Variants in CORO7 observed in about 807,000 individuals in gnomAD.
CORO7 encodes coronin 7, also known as coronin-7.
Under a neutral mutation model 126.6 loss-of-function variants are expected in CORO7, and 107 were observed. The observed-to-expected ratio is 0.85, with a 90% confidence interval of 0.72 to 0.99. The LOEUF is 0.99. CORO7 is among the 50% of genes least tolerant of loss of function. The pLI, the probability that CORO7 is intolerant of heterozygous loss-of-function variation, is 0.00. For synonymous variants in CORO7, 603 were observed against 536.8 expected, an observed-to-expected ratio of 1.12 and a Z score of -1.70; for missense variants, 1,314 against 1,255.8, an observed-to-expected ratio of 1.05 and a Z score of -0.70.
chr16:4,364,458 G>T (rs766439293), intron 13 of CORO7, 45 bp from the exon 14 acceptor site: 1 of 1,478,766 alleles, frequency 6.8e-7, no homozygotes, highest in African/African-American at 1.4e-5. Flanking sequence ...TGGGCTGCCC[G>T]GTCAGGAGGG....
chr16:4,410,679 C>T (rs1214556177), intron 3 of CORO7, among the ~76,000 whole-genome samples: 1 of 152,146 alleles, frequency 6.6e-6, no homozygotes, highest in Non-Finnish European at 1.5e-5. Flanking sequence ...GTGTATTGTG[C>T]GATTCCATTT....
chr16:4,412,732 A>G (rs2056260294), intron 2 of CORO7: 1 of 399,404 alleles, frequency 2.5e-6, no homozygotes, highest in African/African-American at 2.0e-5. Context: ...ACCGTCAGCC[A>G]CTTTTCGCAC....
rs192927891 is a variant in CORO7 at position 4,362,950 on chromosome 16, C to T, written c.1276-212G>A. 6.5e-6 allele frequency: 3 copies of T among 458,062 alleles called. No homozygotes were observed. The highest frequency in any genetic ancestry group is 4.4e-5 in the Admixed American group (1 of 22,784). 28.4% of individuals were successfully genotyped at this position (458,062 alleles called of 1,614,324 possible). On this transcript the variant is annotated intron_variant, in intron 14 of 27. Coordinates refer to ENST00000251166, the MANE Select transcript of CORO7 (RefSeq NM_024535.5). The surrounding 1 kb of genome is among the most constrained non-coding windows in gnomAD (Gnocchi z 5.3). ...TTCAGACCGCGGGGACAGCAAGTGG[C>T]AGCTGCTGGCTCCCAGCCCTGCAGG...
intron 6 of CORO7, among the ~76,000 whole-genome samples, chr16:4,395,687 C>T (rs538580825): frequency 3.9e-5 from 6 of 152,344 alleles, no homozygotes; most frequent in African/African-American, 1.2e-4. Context: ...ACCATGATCC[C>T]TCACAGACAG....
At chr16:4,389,560 G>A (rs542554848) in intron 7 of CORO7, among the ~76,000 whole-genome samples, 35 of 152,334 alleles carry the variant, frequency 2.3e-4, no homozygotes, top group African/African-American at 7.0e-4. Flanking sequence ...TGACTCCAGC[G>A]TGGGAGACCA....
chr16:4,415,889 G>T, intron 1 of CORO7: 1 of 985,652 alleles, frequency 1.0e-6, no homozygotes, highest in Non-Finnish European at 1.2e-6. Flanking sequence ...CAGCATCACC[G>T]AGATAAAGAA....
chr16:4,382,945 G>GA, intron 9 of CORO7: 1 of 1,451,826 alleles, frequency 6.9e-7, no homozygotes, highest in Non-Finnish European at 9.1e-7. Flanking sequence ...CAGCCAGTGA[G>GA]ATGGCCAGCC....
Position 4,416,480 on chromosome 16 carries a change from C to G in CORO7, c.39G>C (p.Glu13Asp), listed in dbSNP as rs927407765. 6.3e-7 allele frequency: 1 copy of G among 1,578,658 alleles called. No individual in the cohort carries two copies. Among genetic ancestry groups the G allele is most frequent in the South Asian group, 1.1e-5 (1 of 87,488 alleles). Residue 13 changes from glutamate (E) to aspartate (D), a missense_variant, in exon 1 of 28, where the codon GAG becomes GAC. Physicochemically the swap from Glu to Asp is conservative, Grantham distance 45. Transcript: ENST00000251166. ...RFRVSKFRHT[E>D]ARPPRRESWI... ...TCACCTCGCGGCGGGGCGGCCGAGC[C>G]TCGGTGTGCCGGAACTTGGACACCC...
chr16:4,402,768 G>A (rs1000142618), intron 6 of CORO7, among the ~76,000 whole-genome samples: 6 of 152,202 alleles, frequency 3.9e-5, no homozygotes, highest in East Asian at 1.9e-4. Flanking sequence ...CGTCCTCCCC[G>A]GCTCATCAGG....
chr16:4,400,172 G>A (rs1473712859), intron 6 of CORO7, among the ~76,000 whole-genome samples: 3 of 152,156 alleles, frequency 2.0e-5, no homozygotes, highest in Non-Finnish European at 2.9e-5. Flanking sequence ...AACACAGACT[G>A]ACCCCTCATG....
chr16:4,355,574 C>T (rs2053952180), intron 26 of CORO7: 1 of 577,350 alleles, frequency 1.7e-6, no homozygotes, highest in Admixed American at 3.0e-5. Context: ...GTTTACACCA[C>T]TGTCCTGCCT....
Position 4,413,340 on chromosome 16 carries a change from C to T in CORO7, c.125G>A (p.Cys42Tyr). 1.9e-6 allele frequency: 3 copies of T among 1,586,012 alleles called. No individual in the cohort carries two copies. Among genetic ancestry groups the T allele is most frequent in the Non-Finnish European group, 2.6e-6 (3 of 1,165,084 alleles). The change falls in exon 2 of 28, where the codon TGC (cysteine) becomes TAC (tyrosine). Residue 42 changes from cysteine to tyrosine, a missense_variant. Physicochemically the swap from Cys to Tyr is radical, Grantham distance 194. Transcript: ENST00000251166. ...GTCGGAGTTGAAGGCGATCAAGCTG[C>T]AGCTTGATTTGATGTGGTTCCTGCA... Reference protein sequence around the residue: ...PSCRNHIKSSCSLIAFNSDRP... With the variant: ...PSCRNHIKSSYSLIAFNSDRP...
At chr16:4,379,018 T>C (rs1227057871) in intron 9 of CORO7, among the ~76,000 whole-genome samples, 1 of 152,000 alleles carries the variant, frequency 6.6e-6, no homozygotes, top group Admixed American at 6.5e-5. Flanking sequence ...ACCCCAGTGG[T>C]CACCTCACCA....
chr16:4,358,197 C>A, intron 24 of CORO7, 94 bp from the exon 25 acceptor site: 1 of 1,548,986 alleles, frequency 6.5e-7, no homozygotes, highest in Non-Finnish European at 8.8e-7. Context: ...GACCTGGGAC[C>A]CTCCCACCAG....
intron 3 of CORO7, among the ~76,000 whole-genome samples, chr16:4,409,487 T>C (rs546027607): frequency 6.6e-6 from 1 of 152,202 alleles, no homozygotes; most frequent in Admixed American, 6.5e-5. Context: ...GCACCACAGA[T>C]GCCCAGGGGT....
chr16:4,391,410 G>T (rs2055384870), intron 7 of CORO7, among the ~76,000 whole-genome samples: 1 of 152,192 alleles, frequency 6.6e-6, no homozygotes, highest in Non-Finnish European at 1.5e-5. Context: ...ACAAAAATTA[G>T]CTGGGCATGG....
chr16:4,405,662 G>C (rs1251380379), intron 5 of CORO7, 95 bp from the exon 6 acceptor site: 5 of 1,473,644 alleles, frequency 3.4e-6, no homozygotes, highest in Non-Finnish European at 4.6e-6. Context: ...CCAGAGCAAA[G>C]GCAGCAGCTA....
chr16:4,380,655 A>C (rs1185268099), intron 9 of CORO7, among the ~76,000 whole-genome samples: 1 of 152,166 alleles, frequency 6.6e-6, no homozygotes, highest in Admixed American at 6.5e-5. Context: ...ATGCCCCATG[A>C]TGACCTCTGT....
intron 3 of CORO7, among the ~76,000 whole-genome samples, chr16:4,408,502 C>T (rs1014360310): frequency 3.3e-5 from 5 of 152,336 alleles, no homozygotes; most frequent in African/African-American, 1.2e-4. Flanking sequence ...GGGCAGGAAG[C>T]CGCTTGAGTC....
Sources: allele counts gnomAD v4.1 joint callset (sites outside exome capture counted in the v4.1 genomes callset), GRCh38; gene constraint gnomAD v4.1.1; non-coding constraint Gnocchi (gnomAD v3.1); transcripts MANE v1.5; gene names NCBI Gene and HGNC (gene_info 2026-07-23, HGNC 2026-07-21).